The following HERC4 variants were observed in gnomAD, a reference collection of about 807,000 sequenced individuals.
HERC4 encodes probable E3 ubiquitin-protein ligase HERC4.
Under a neutral mutation model 124.3 loss-of-function variants are expected in HERC4, and 28 were observed. The ratio of observed to expected loss-of-function variants is 0.23; its 90% CI spans 0.17 to 0.31. HERC4 has a LOEUF of 0.31. Among genes scored for constraint, HERC4 ranks in the 10% least tolerant of loss-of-function variants. The probability of loss-of-function intolerance (pLI) is 1.00; values close to 1 mark genes in which losing one functional copy is unlikely to be tolerated. For synonymous variants in HERC4, 407 were observed against 421.5 expected, an observed-to-expected ratio of 0.97 and a Z score of 0.42; for missense variants, 713 against 1,229.3, an observed-to-expected ratio of 0.58 and a Z score of 6.28.
intron 9 of HERC4, among the ~76,000 whole-genome samples, chr10:68,005,122 C>T (rs2037461695): frequency 6.6e-6 from 1 of 152,108 alleles, no homozygotes; most frequent in Non-Finnish European, 1.5e-5. Flanking sequence ...TTCCATTGGT[C>T]CATGTGTCTG....
chr10:67,950,329 G>A (rs1411014759), intron 19 of HERC4, among the ~76,000 whole-genome samples: 1 of 151,772 alleles, frequency 6.6e-6, no homozygotes, highest in East Asian at 1.9e-4. Context: ...AGGCTGGAGT[G>A]CAGTGGCATG....
At chr10:68,072,743 T>C (rs1290953204) in intron 3 of HERC4, 140 bp downstream of exon 3, 6 of 582,788 alleles carry the variant, frequency 1.0e-5, no homozygotes, top group Non-Finnish European at 1.8e-5. Context: ...AATATACACA[T>C]ATAATGGAAA....
intron 23 of HERC4, among the ~76,000 whole-genome samples, chr10:67,928,639 C>T (rs762941061): frequency 5.9e-5 from 9 of 151,906 alleles, no homozygotes; most frequent in Admixed American, 2.6e-4. Flanking sequence ...TGAGTTGCCT[C>T]GGGCCAGGAG....
intron 22 of HERC4, among the ~76,000 whole-genome samples, chr10:67,934,640 TG>T (rs2032167443): frequency 6.6e-6 from 1 of 152,178 alleles, no homozygotes; most frequent in Non-Finnish European, 1.5e-5. Context: ...TGTATAAAAA[TG>T]TTTTTAAACA....
intron 8 of HERC4, among the ~76,000 whole-genome samples, chr10:68,021,803 C>T (rs557777636): frequency 6.6e-6 from 1 of 151,966 alleles, no homozygotes; most frequent in South Asian, 2.1e-4. Flanking sequence ...AGCAAAACTC[C>T]ACCTCAAATA....
chr10:67,981,124 A>G (rs2035904175), intron 15 of HERC4, among the ~76,000 whole-genome samples: 1 of 152,190 alleles, frequency 6.6e-6, no homozygotes, highest in South Asian at 2.1e-4. Context: ...GAAAAATAAG[A>G]CCAAATGACC....
intron 9 of HERC4, among the ~76,000 whole-genome samples, chr10:67,998,081 T>C (rs2037000500): frequency 1.3e-5 from 2 of 151,880 alleles, no homozygotes; most frequent in South Asian, 4.2e-4. Flanking sequence ...GTATTTTTAG[T>C]AGAGAGGGGG....
At chr10:68,071,998 C>T (rs887812875) in intron 3 of HERC4, among the ~76,000 whole-genome samples, 22 of 152,116 alleles carry the variant, frequency 1.4e-4, no homozygotes, top group African/African-American at 5.1e-4. Flanking sequence ...TGAGTAACAA[C>T]AGAAACCACC....
chr10:67,923,568 C>G (rs1445586972), intron 24 of HERC4, among the ~76,000 whole-genome samples: 1 of 148,762 alleles, frequency 6.7e-6, no homozygotes, highest in African/African-American at 2.5e-5. Context: ...TCAAATCATT[C>G]TTTTTTTTTT....
chr10:68,017,287 A>C (rs145306957), intron 8 of HERC4, among the ~76,000 whole-genome samples: 1 of 152,256 alleles, frequency 6.6e-6, no homozygotes, highest in Admixed American at 6.5e-5. Context: ...GAGCAAAGTC[A>C]CCCCAGTGAA....
At chr10:68,006,350 C>T (rs1487253908) in intron 9 of HERC4, among the ~76,000 whole-genome samples, 1 of 151,314 alleles carries the variant, frequency 6.6e-6, no homozygotes, top group Non-Finnish European at 1.5e-5. Context: ...TGATGAAACG[C>T]CTCAGCGTTT....
At chr10:68,071,903 G>T (rs1200280342) in intron 3 of HERC4, among the ~76,000 whole-genome samples, 1 of 152,186 alleles carries the variant, frequency 6.6e-6, no homozygotes, top group East Asian at 1.9e-4. Context: ...AGTGAGATTT[G>T]GCATGGTCGT....
intron 3 of HERC4, among the ~76,000 whole-genome samples, chr10:68,066,518 T>C (rs948664160): frequency 3.3e-5 from 5 of 152,342 alleles, no homozygotes; most frequent in African/African-American, 1.2e-4. Context: ...CTGCTCAGAT[T>C]AGGCATCTAC....
intron 3 of HERC4, chr10:68,070,095 T>C (rs1176182388): frequency 1.0e-6 from 1 of 984,834 alleles, no homozygotes; most frequent in Admixed American, 6.1e-5. Flanking sequence ...AAATGAACTA[T>C]GTTTATTACA....
At chr10:67,992,060 A>C (rs962625193) in intron 11 of HERC4, 139 bp downstream of exon 11, 21 of 694,350 alleles carry the variant, frequency 3.0e-5, no homozygotes, top group Non-Finnish European at 4.8e-5. Context: ...CACCACGCCC[A>C]GCTAATTGTA....
At chr10:68,055,210 C>A (rs918149213) in intron 3 of HERC4, among the ~76,000 whole-genome samples, 5 of 152,124 alleles carry the variant, frequency 3.3e-5, no homozygotes, top group Admixed American at 3.3e-4. Flanking sequence ...AAGACAAATT[C>A]AGAATTAAAG....
intron 15 of HERC4, among the ~76,000 whole-genome samples, chr10:67,975,964 A>T (rs895271159): frequency 6.6e-6 from 1 of 152,100 alleles, no homozygotes. Context: ...TTTTCATCCT[A>T]AAAGAAGGGG....
intron 4 of HERC4, chr10:68,039,369 G>A (rs2039647937): frequency 6.5e-7 from 1 of 1,527,236 alleles, no homozygotes; most frequent in Non-Finnish European, 8.8e-7. Context: ...GGATGGGGAG[G>A]TACACAATAT....
At chr10:67,982,538 G>A (rs899529873) in intron 15 of HERC4, among the ~76,000 whole-genome samples, 5 of 152,026 alleles carry the variant, frequency 3.3e-5, no homozygotes, top group African/African-American at 1.2e-4. Flanking sequence ...AAAACATTAG[G>A]GGAAACTCTC....
Sources: allele counts gnomAD v4.1 joint callset (sites outside exome capture counted in the v4.1 genomes callset), GRCh38; gene constraint gnomAD v4.1.1; transcripts MANE v1.5; gene names NCBI Gene and HGNC (gene_info 2026-07-23, HGNC 2026-07-21).